Variants in CDH6 observed in about 807,000 individuals in gnomAD.
The protein encoded by CDH6 is cadherin-6.
In CDH6, 31 loss-of-function variants were observed where a neutral mutation model predicts 78.0. The ratio of observed to expected loss-of-function variants is 0.40; its 90% CI spans 0.30 to 0.54. The LOEUF (loss-of-function observed/expected upper bound fraction) is 0.54. Among genes scored for constraint, CDH6 ranks in the 20% least tolerant of loss-of-function variants. CDH6 has a pLI of 0.56. For missense variants in CDH6, 724 were observed against 975.9 expected, an observed-to-expected ratio of 0.74 and a Z score of 3.44; for synonymous variants, 376 against 368.8, an observed-to-expected ratio of 1.02 and a Z score of -0.23.
chr5:31,316,802 C>T (rs1230868365), intron 9 of CDH6, among the ~76,000 whole-genome samples: 6 of 152,090 alleles, frequency 3.9e-5, no homozygotes, highest in Admixed American at 6.5e-5. Flanking sequence ...AATTATGTTT[C>T]AGTTTGTGAA....
At position 31,313,470 on chromosome 5, in the gene CDH6, T is replaced by C; in HGVS notation, c.1390+16T>C. On this transcript the variant is annotated intron_variant, in intron 8 of 11. Transcript: ENST00000265071. Reference sequence around the variant, plus strand: ...ACAGAGATCAGTAAGTCCTACCTAATACCGCTGCTGTCCCCTATTAATAGA... The same window carrying C: ...ACAGAGATCAGTAAGTCCTACCTAACACCGCTGCTGTCCCCTATTAATAGA... 1 of 1,610,206 alleles carries C rather than the reference T, an allele frequency of 6.2e-7. No homozygotes were observed. The highest frequency in any genetic ancestry group is 8.5e-7 in the Non-Finnish European group (1 of 1,177,222).
chr5:31,284,652 C>A (rs940723211), intron 2 of CDH6, among the ~76,000 whole-genome samples: 1 of 152,178 alleles, frequency 6.6e-6, no homozygotes, highest in Non-Finnish European at 1.5e-5. Flanking sequence ...GAAGACATAG[C>A]CAGACCTCGA....
rs751774865 is a variant in CDH6 at position 31,326,169 on chromosome 5, A to T, written c.*2861A>T. On this transcript the variant is annotated 3_prime_UTR_variant, in exon 12 of 12. Transcript: ENST00000265071. Reference sequence around the variant, plus strand: ...GGAGAGTGGGAAGAAGTAAAATTTTAATATTTGTTTCAATCACTTTGAAAC... The same window carrying T: ...GGAGAGTGGGAAGAAGTAAAATTTTTATATTTGTTTCAATCACTTTGAAAC... 1 of 228,372 alleles carries T rather than the reference A, an allele frequency of 4.4e-6. No homozygotes were observed. The highest frequency in any genetic ancestry group is 8.7e-6 in the Non-Finnish European group (1 of 115,124). 14.1% of individuals were successfully genotyped at this position (228,372 alleles called of 1,614,324 possible). A position where few individuals can be genotyped will look rare whatever the true frequency, so the allele number is the denominator to read the frequency against.
At chr5:31,237,202 G>C (rs1412921857) in intron 1 of CDH6, among the ~76,000 whole-genome samples, 1 of 152,008 alleles carries the variant, frequency 6.6e-6, no homozygotes, top group Non-Finnish European at 1.5e-5. Context: ...GGAAAAGAAT[G>C]AATCAGCCAC....
intron 1 of CDH6, among the ~76,000 whole-genome samples, chr5:31,215,341 T>C (rs1395586754): frequency 2.0e-5 from 3 of 152,174 alleles, no homozygotes; most frequent in Non-Finnish European, 4.4e-5. Context: ...GTGAAGGTAA[T>C]AGGTTTAGGG....
chr5:31,263,155 G>A lies in CDH6; in HGVS notation c.-128-4191G>A, dbSNP rs144709548. The stretch of plus-strand genomic sequence containing the variant: ...AGTTATAGAAACTAAGTGCAAGGTC[G>A]AGGTGCCACATCTGGTGAGGACCTT... On this transcript the variant is annotated intron_variant, in intron 1 of 11. Transcript: ENST00000265071. 3.3e-5 allele frequency among the ~76,000 whole-genome samples: 5 copies of A among 152,070 alleles called. No homozygotes were observed. In the South Asian group the frequency reaches 6.2e-4, roughly 19 times the overall value.
chr5:31,270,420 A>C (rs1033684202), intron 2 of CDH6, among the ~76,000 whole-genome samples: 2 of 152,242 alleles, frequency 1.3e-5, no homozygotes, highest in Admixed American at 1.3e-4. Context: ...CCACACTTAC[A>C]AATGGTATGT....
At chr5:31,240,415 G>T (rs964190545) in intron 1 of CDH6, among the ~76,000 whole-genome samples, 7 of 152,146 alleles carry the variant, frequency 4.6e-5, no homozygotes, top group African/African-American at 1.7e-4. Flanking sequence ...ATGAGGAAAA[G>T]TTTCCACCAA....
chr5:31,196,600 T>C (rs542248577), intron 1 of CDH6, among the ~76,000 whole-genome samples: 34 of 152,352 alleles, frequency 2.2e-4, no homozygotes, highest in African/African-American at 7.5e-4. Flanking sequence ...GAATGGATTT[T>C]GTTACCTAAG....
intron 1 of CDH6, among the ~76,000 whole-genome samples, chr5:31,196,405 T>C (rs184796000): frequency 6.6e-6 from 1 of 152,260 alleles, no homozygotes; most frequent in African/African-American, 2.4e-5. Context: ...ACCAATATTC[T>C]GAGTGAAACT....
chr5:31,258,503 G>C (rs1742120032), intron 1 of CDH6, among the ~76,000 whole-genome samples: 1 of 152,128 alleles, frequency 6.6e-6, no homozygotes, highest in South Asian at 2.1e-4. Flanking sequence ...GAGGGGCTAG[G>C]GGAGGGATAG....
chr5:31,218,490 C>T (rs1411082428), intron 1 of CDH6, among the ~76,000 whole-genome samples: 1 of 152,120 alleles, frequency 6.6e-6, no homozygotes, highest in African/African-American at 2.4e-5. Flanking sequence ...TGGACCCACT[C>T]TCGTTTATTT....
At chr5:31,252,328 G>GTGGTGTGTGTGTGT (rs1554006112) in intron 1 of CDH6, among the ~76,000 whole-genome samples, 2 of 148,924 alleles carry the variant, frequency 1.3e-5, no homozygotes, top group South Asian at 2.2e-4. Context: ...ATGTGTGTGT[G>GTGGTGTGTGTGTGT]GTGTGTGTGT....
chr5:31,247,961 C>T (rs1290394555), intron 1 of CDH6, among the ~76,000 whole-genome samples: 3 of 152,136 alleles, frequency 2.0e-5, no homozygotes, highest in African/African-American at 7.2e-5. Context: ...TTGCTAAAAT[C>T]TTATTCTGGA....
chr5:31,215,872 C>T (rs755303974), intron 1 of CDH6, among the ~76,000 whole-genome samples: 3 of 152,118 alleles, frequency 2.0e-5, no homozygotes, highest in South Asian at 2.1e-4. Context: ...TCCAATTTGA[C>T]GATGGACAGC....
At chr5:31,252,682 C>T (rs1458188855) in intron 1 of CDH6, among the ~76,000 whole-genome samples, 1 of 151,982 alleles carries the variant, frequency 6.6e-6, no homozygotes, top group East Asian at 1.9e-4. Flanking sequence ...CAATGGCATG[C>T]TTAAGTACCA....
At chr5:31,270,599 G>GC (rs1742500829) in intron 2 of CDH6, among the ~76,000 whole-genome samples, 1 of 152,182 alleles carries the variant, frequency 6.6e-6, no homozygotes, top group African/African-American at 2.4e-5. Context: ...ACCTACTGTT[G>GC]AAACTGTGAA....
intron 1 of CDH6, among the ~76,000 whole-genome samples, chr5:31,235,756 CA>C (rs1412058960): frequency 1.3e-5 from 2 of 152,062 alleles, no homozygotes; most frequent in African/African-American, 4.8e-5. Context: ...AATGAAAGGC[CA>C]AAAACTGAAT....
rs145123578 is a variant in CDH6, at chr5:31,231,457, G to A, written c.-128-35889G>A. On this transcript the variant is annotated intron_variant, in intron 1 of 11. Coordinates refer to ENST00000265071, the MANE Select transcript of CDH6 (RefSeq NM_004932.4). ...TGTCTCAGTCCATTTTCTGTTGCTC[G>A]TAACAGAATGCCTGAAACTGGGTAA... Among the ~76,000 whole-genome samples, 12 of 152,196 alleles carry A rather than the reference G, an allele frequency of 7.9e-5. No individual in the cohort carries two copies. The South Asian group carries it at 8.3e-4, about 11-fold the overall frequency.
Sources: gnomAD v4.1 joint callset for allele counts (sites outside exome capture counted in the v4.1 genomes callset) on GRCh38, gnomAD v4.1.1 for gene constraint, MANE v1.5 for transcripts, NCBI Gene and HGNC (gene_info 2026-07-23, HGNC 2026-07-21) for gene names.